SHISA9: variants seen among roughly 807,000 people sequenced by gnomAD.
SHISA9 encodes shisa family member 9.
A neutral mutation model predicts 38.0 loss-of-function variants in SHISA9; 13 were observed. The observed-to-expected ratio is 0.34, with a 90% CI of 0.22 to 0.54. The LOEUF (loss-of-function observed/expected upper bound fraction) is 0.54, where lower values mean the gene tolerates loss of function less well. SHISA9 is among the 20% of genes least tolerant of loss of function. The pLI is 0.91. For synonymous variants in SHISA9, 275 were observed against 242.0 expected (o/e 1.14, Z -1.27); for missense variants, 538 against 575.8 (o/e 0.93, Z 0.67).
At chr16:13,113,423 C>G (rs1056166805) in intron 2 of SHISA9, among the ~76,000 whole-genome samples, 17 of 152,082 alleles carry the variant, frequency 1.1e-4, no homozygotes, top group Non-Finnish European at 2.4e-4. Context: ...CAGGGAGTGT[C>G]CATCCTACCA....
chr16:13,020,927 A>C (rs952169834), intron 2 of SHISA9, among the ~76,000 whole-genome samples: 5 of 152,220 alleles, frequency 3.3e-5, no homozygotes, highest in Admixed American at 2.6e-4. Context: ...CTTAGCTGTG[A>C]CCACATAATA....
chr16:12,944,575 G>A (rs1323888374), intron 2 of SHISA9, among the ~76,000 whole-genome samples: 1 of 152,150 alleles, frequency 6.6e-6, no homozygotes, highest in Non-Finnish European at 1.5e-5. Context: ...GCTGGAGAAT[G>A]GGATGTTGGC....
At chr16:13,480,297 G>A in the SHISA9 span, among the ~76,000 whole-genome samples, 84 of 152,276 alleles carry the variant, frequency 5.5e-4, 1 homozygote, top group South Asian at 0.014. Flanking sequence ...ACATCATGCC[G>A]AAGACGTCAT....
At chr16:13,146,424 T>A (rs1596680709) in intron 2 of SHISA9, among the ~76,000 whole-genome samples, 1 of 152,328 alleles carries the variant, frequency 6.6e-6, no homozygotes, top group African/African-American at 2.4e-5. Context: ...ATGGGGTACA[T>A]GAGTGATTTT....
chr16:13,301,919 T>C, the SHISA9 span, among the ~76,000 whole-genome samples: 1 of 152,214 alleles, frequency 6.6e-6, no homozygotes, highest in East Asian at 1.9e-4. Flanking sequence ...AGGAGAAAGA[T>C]AGTTTGTGGT....
chr16:13,383,063 C>T, the SHISA9 span, among the ~76,000 whole-genome samples: 2 of 152,084 alleles, frequency 1.3e-5, no homozygotes, highest in African/African-American at 2.4e-5. Flanking sequence ...AAGTCATCAC[C>T]CTCATGGAAC....
chr16:13,398,306 G>A, the SHISA9 span, among the ~76,000 whole-genome samples: 2 of 152,116 alleles, frequency 1.3e-5, no homozygotes, highest in South Asian at 2.1e-4. Context: ...AGCACTTCCC[G>A]GTCCCCCTTC....
the SHISA9 span, among the ~76,000 whole-genome samples, chr16:13,501,754 G>A: frequency 2.6e-5 from 4 of 152,118 alleles, no homozygotes; most frequent in Non-Finnish European, 4.4e-5. Context: ...TATAATCCCA[G>A]CACTTTGGGA....
chr16:13,296,125 G>A, the SHISA9 span, among the ~76,000 whole-genome samples: 3 of 152,120 alleles, frequency 2.0e-5, no homozygotes, highest in Admixed American at 2.0e-4. Flanking sequence ...AGTGATAACA[G>A]ATAGATCTTT....
At chr16:13,019,610 CT>C (rs1163643105) in intron 2 of SHISA9, among the ~76,000 whole-genome samples, 2 of 151,654 alleles carry the variant, frequency 1.3e-5, no homozygotes, top group East Asian at 3.9e-4. Flanking sequence ...ATTTCCCGGT[CT>C]TTTTTTTAAA....
the SHISA9 span, among the ~76,000 whole-genome samples, chr16:13,487,251 T>C: frequency 1.3e-5 from 2 of 152,236 alleles, no homozygotes; most frequent in African/African-American, 4.8e-5. Flanking sequence ...TACATATCTC[T>C]GTGTGTTAGG....
At chr16:13,542,757 G>T in the SHISA9 span, among the ~76,000 whole-genome samples, 1 of 152,184 alleles carries the variant, frequency 6.6e-6, no homozygotes, top group Non-Finnish European at 1.5e-5. Context: ...ACTCAAAAGG[G>T]AGATTTGCTG....
At chr16:13,473,406 G>C in the SHISA9 span, among the ~76,000 whole-genome samples, 2 of 117,596 alleles carry the variant, frequency 1.7e-5, no homozygotes, top group Non-Finnish European at 3.2e-5. Context: ...AGTAAACCTA[G>C]TCCCTGTTAA....
chr16:13,114,900 C>CTCCATCCA (rs3075115), intron 2 of SHISA9, among the ~76,000 whole-genome samples: 48,292 of 149,634 alleles, frequency 0.32, 8,109 homozygotes, highest in South Asian at 0.48. Context: ...TTACATCTAA[C>CTCCATCCA]TCCATCCATC....
the SHISA9 span, among the ~76,000 whole-genome samples, chr16:13,496,679 T>C: frequency 6.6e-6 from 1 of 152,096 alleles, no homozygotes; most frequent in African/African-American, 2.4e-5. Flanking sequence ...CTGGAGGTGA[T>C]GAGTTACAAA....
chr16:12,982,901 C>A (rs1301130128), intron 2 of SHISA9, among the ~76,000 whole-genome samples: 1 of 152,220 alleles, frequency 6.6e-6, no homozygotes, highest in Non-Finnish European at 1.5e-5. Context: ...TCGCTTCTAG[C>A]TGTCCTGATT....
intron 2 of SHISA9, among the ~76,000 whole-genome samples, chr16:13,008,072 G>A (rs1281699515): frequency 2.0e-5 from 3 of 152,200 alleles, no homozygotes; most frequent in Non-Finnish European, 4.4e-5. Context: ...TATGAATGGG[G>A]AAGAATGGAA....
At chr16:13,556,031 A>G in the SHISA9 span, among the ~76,000 whole-genome samples, 1 of 152,202 alleles carries the variant, frequency 6.6e-6, no homozygotes, top group Non-Finnish European at 1.5e-5. Flanking sequence ...TTGAGATTAT[A>G]CAGATGTAGA....
the SHISA9 span, among the ~76,000 whole-genome samples, chr16:13,521,192 T>G: frequency 2.6e-5 from 4 of 152,170 alleles, no homozygotes; most frequent in Admixed American, 1.3e-4. Context: ...TTCCAGCATC[T>G]TCCTGATCTT....
Sources: gnomAD v4.1 joint callset for allele counts (sites outside exome capture counted in the v4.1 genomes callset) on GRCh38, gnomAD v4.1.1 for gene constraint, MANE v1.5 for transcripts, NCBI Gene and HGNC (gene_info 2026-07-23, HGNC 2026-07-21) for gene names.